PLEKHB2: variants seen among roughly 807,000 people sequenced by gnomAD.
The protein encoded by PLEKHB2 is pleckstrin homology domain containing B2.
A neutral mutation model predicts 36.5 loss-of-function variants in PLEKHB2; 31 were observed. The observed-to-expected ratio is 0.85, with a 90% CI of 0.64 to 1.15. The LOEUF is 1.15. Among genes scored for constraint, PLEKHB2 ranks in the 50% most tolerant of loss-of-function variants. PLEKHB2 has a pLI of 0.00. For missense variants in PLEKHB2, 262 were observed against 295.3 expected, an observed-to-expected ratio of 0.89 and a Z score of 0.83; for synonymous variants, 119 against 112.0, an observed-to-expected ratio of 1.06 and a Z score of -0.39.
intron 7 of PLEKHB2, among the ~76,000 whole-genome samples, chr2:131,144,058 G>C (rs1699047801): frequency 6.6e-6 from 1 of 152,182 alleles, no homozygotes; most frequent in African/African-American, 2.4e-5. Context: ...GCTTGCTGTG[G>C]AAGGGTCAAA....
rs940933213 is a variant in PLEKHB2 at position 131,147,027 on chromosome 2, C to T, written c.*254C>T. On this transcript the variant is annotated 3_prime_UTR_variant, in exon 8 of 8. Coordinates refer to ENST00000693505, the MANE Select transcript of PLEKHB2 (RefSeq NM_001100623.2). ...CTGTTCTTGTGCAACTCTCAGAATACCTTATTTGAGCATACCTGTTTTGAA... is the reference window on the plus strand; with the variant it reads ...CTGTTCTTGTGCAACTCTCAGAATATCTTATTTGAGCATACCTGTTTTGAA... The T allele has an allele frequency of 4.0e-5, 13 of 325,940 alleles. No homozygotes were observed. Among genetic ancestry groups the T allele is most frequent in the South Asian group, 1.1e-4 (1 of 8,782 alleles). The allele number at this position is 325,940 out of a possible 1,614,324, so 20.2% of individuals were successfully genotyped here.
rs1000559556 is a variant in PLEKHB2, at chr2:131,149,209, C to T, written c.*2436C>T. On this transcript the variant is annotated 3_prime_UTR_variant, in exon 8 of 8. Coordinates refer to ENST00000693505, the MANE Select transcript of PLEKHB2 (RefSeq NM_001100623.2). The stretch of plus-strand genomic sequence containing the variant: ...TAAGGTTGCTCAGGTATTTTATTTC[C>T]TTGGCCACAACTCCCATAGATGCCA... 2.6e-5 allele frequency: 4 copies of T among 152,212 alleles called. No individual in the cohort carries two copies. The highest frequency in any genetic ancestry group is 5.9e-5 in the Non-Finnish European group (4 of 68,050). 9.4% of individuals were successfully genotyped at this position (152,212 alleles called of 1,614,324 possible).
chr2:131,136,441 C>T (rs1012335085), intron 6 of PLEKHB2, among the ~76,000 whole-genome samples: 2 of 151,464 alleles, frequency 1.3e-5, no homozygotes, highest in East Asian at 3.8e-4. Context: ...AACTCCTGGC[C>T]TCAAACAATC....
intron 7 of PLEKHB2, among the ~76,000 whole-genome samples, chr2:131,143,222 A>G (rs1698966307): frequency 6.6e-6 from 1 of 152,176 alleles, no homozygotes; most frequent in Non-Finnish European, 1.5e-5. Flanking sequence ...TCAACTTATG[A>G]TGGGTTTATT....
At chr2:131,124,557 C>G (rs1381010117) in intron 2 of PLEKHB2, among the ~76,000 whole-genome samples, 3 of 152,098 alleles carry the variant, frequency 2.0e-5, no homozygotes, top group Non-Finnish European at 4.4e-5. Context: ...ATACCTGGTC[C>G]AAGATCACAA....
At chr2:131,145,478 C>T (rs928978301) in intron 7 of PLEKHB2, among the ~76,000 whole-genome samples, 4 of 152,092 alleles carry the variant, frequency 2.6e-5, no homozygotes, top group East Asian at 1.9e-4. Flanking sequence ...TACAGGCATG[C>T]GCCACTACCC....
chr2:131,131,758 CTTTTTTTT>C (rs35889012), intron 5 of PLEKHB2, among the ~76,000 whole-genome samples: 1 of 139,148 alleles, frequency 7.2e-6, no homozygotes, highest in Non-Finnish European at 1.6e-5. Flanking sequence ...GAAAATCCCC[CTTTTTTTT>C]TTTTTTTTTG....
chr2:131,134,599 CCA>C (rs1698049983), intron 6 of PLEKHB2, among the ~76,000 whole-genome samples: 1 of 152,084 alleles, frequency 6.6e-6, no homozygotes, highest in South Asian at 2.1e-4. Context: ...TCCTTTGATC[CCA>C]CACAGTCTTA....
intron 7 of PLEKHB2, among the ~76,000 whole-genome samples, chr2:131,143,662 C>G (rs778331167): frequency 6.6e-6 from 1 of 152,178 alleles, no homozygotes; most frequent in African/African-American, 2.4e-5. Flanking sequence ...CAGTAGGTCT[C>G]AAGTGGAATC....
At position 131,105,368 on chromosome 2, in the gene PLEKHB2, G is replaced by C. The variant is rs1195272113; in HGVS notation, c.-39G>C. 6.6e-6 allele frequency: 1 copy of C among 152,226 alleles called. No homozygotes were observed. Among genetic ancestry groups the C allele is most frequent in the Non-Finnish European group, 1.5e-5 (1 of 68,076 alleles). The allele number at this position is 152,226 out of a possible 1,614,324, so 9.4% of individuals were successfully genotyped here. A position where few individuals can be genotyped will look rare whatever the true frequency, so the allele number is the denominator to read the frequency against. ...GGCGAGCAGGCGAGGAATCGCCGTG[G>C]CGTCTTGGTGTTCTCCACGCTGGTT... On this transcript the variant is annotated 5_prime_UTR_variant, in exon 1 of 8. Coordinates refer to ENST00000693505, the MANE Select transcript of PLEKHB2 (RefSeq NM_001100623.2).
At chr2:131,120,743 AG>A in intron 1 of PLEKHB2, 190 bp from the exon 2 acceptor site, 3 of 658,662 alleles carry the variant, frequency 4.6e-6, no homozygotes, top group Non-Finnish European at 8.3e-6. Flanking sequence ...GGAGGAAGGG[AG>A]GGGGTACAGA....
At chr2:131,138,253 T>C (rs1398533943) in intron 6 of PLEKHB2, among the ~76,000 whole-genome samples, 1 of 152,138 alleles carries the variant, frequency 6.6e-6, no homozygotes, top group African/African-American at 2.4e-5. Context: ...CTTTATATAC[T>C]TTTTACTGAG....
At chr2:131,141,021 C>T (rs879864957) in intron 7 of PLEKHB2, among the ~76,000 whole-genome samples, 9 of 152,128 alleles carry the variant, frequency 5.9e-5, no homozygotes, top group Non-Finnish European at 7.3e-5. Context: ...GGAGTAGTCC[C>T]GGGCTGTGAG....
chr2:131,127,513 G>A (rs905055707), intron 4 of PLEKHB2, among the ~76,000 whole-genome samples: 3 of 152,158 alleles, frequency 2.0e-5, no homozygotes, highest in Non-Finnish European at 4.4e-5. Context: ...CCCATTTGAG[G>A]GTACTGGGGA....
In PLEKHB2 at chr2:131,140,259, C is replaced by A. The variant is rs1242926912; in HGVS notation, c.516C>A (p.Tyr172Ter). Reference protein sequence around the residue: ...AANGQAYAVPYQYPYAGLYGQ... With the variant: ...AANGQAYAVP ...ATGGGCAGGCGTATGCCGTGCCCTACCAGTACCCATATGCAGGTAACTCAC... is the reference window on the plus strand; with the variant it reads ...ATGGGCAGGCGTATGCCGTGCCCTAACAGTACCCATATGCAGGTAACTCAC... The change falls in exon 7 of 8, where the codon TAC becomes TAA. Residue 172 changes from tyrosine (Y) to a stop codon, truncating the protein, a stop_gained. Coordinates refer to ENST00000693505, the MANE Select transcript of PLEKHB2 (RefSeq NM_001100623.2). LOFTEE classifies it high-confidence loss of function. 6.3e-7 allele frequency: 1 copy of A among 1,599,032 alleles called. No homozygotes were observed. Among genetic ancestry groups the A allele is most frequent in the Admixed American group, 1.7e-5 (1 of 59,748 alleles).
Position 131,149,566 on chromosome 2 carries a change from ATC to A in PLEKHB2, c.*2795_*2796del, listed in dbSNP as rs1029789649. ...AGGCTATCCAGGACTTAAGGTAGCC[ATC>A]TGGATCATAAGAAGGTCCTGCAGTT... On this transcript the variant is annotated 3_prime_UTR_variant, in exon 8 of 8. Coordinates refer to ENST00000693505, the MANE Select transcript of PLEKHB2 (RefSeq NM_001100623.2). 6.6e-6 allele frequency: 1 copy of A among 152,240 alleles called. No individual in the cohort carries two copies. The highest frequency in any genetic ancestry group is 1.5e-5 in the Non-Finnish European group (1 of 68,042). 9.4% of individuals were successfully genotyped at this position (152,240 alleles called of 1,614,324 possible).
chr2:131,118,288 G>C (rs1446764704), intron 1 of PLEKHB2, among the ~76,000 whole-genome samples: 1 of 152,004 alleles, frequency 6.6e-6, no homozygotes, highest in African/African-American at 2.4e-5. Context: ...GAAAGATTGG[G>C]GAAAAATGAA....
chr2:131,120,576 A>G (rs1465601521), intron 1 of PLEKHB2: 3 of 337,432 alleles, frequency 8.9e-6, no homozygotes, highest in South Asian at 3.1e-5. Flanking sequence ...CCCCACTGGG[A>G]ACGCCAAATG....
intron 1 of PLEKHB2, among the ~76,000 whole-genome samples, chr2:131,118,376 A>C (rs948080555): frequency 6.6e-6 from 1 of 152,220 alleles, no homozygotes; most frequent in Non-Finnish European, 1.5e-5. Context: ...TTCAGCGTGC[A>C]TGATTTTGGA....
Sources: allele counts gnomAD v4.1 joint callset (sites outside exome capture counted in the v4.1 genomes callset), GRCh38; gene constraint gnomAD v4.1.1; transcripts MANE v1.5; gene names NCBI Gene and HGNC (gene_info 2026-07-23, HGNC 2026-07-21).